Variants in NR5A2 observed in about 807,000 individuals in gnomAD.
The protein encoded by NR5A2 is CYP7A promoter-binding factor.
A neutral mutation model predicts 62.7 loss-of-function variants in NR5A2; 26 were observed. The observed-to-expected ratio is 0.41, with a 90% CI of 0.30 to 0.58. The LOEUF (loss-of-function observed/expected upper bound fraction) is 0.58. NR5A2 is among the 20% of genes least tolerant of loss of function. The pLI is 0.22. For synonymous variants in NR5A2, 246 were observed against 241.7 expected (o/e 1.02, Z -0.16); for missense variants, 541 against 669.1 (o/e 0.81, Z 2.11).
In NR5A2 at chr1:200,174,163, C is replaced by T. The variant is rs1654316020; in HGVS notation, c.1579C>T (p.Pro527Ser). The change falls in exon 8 of 8, where the codon CCC (proline) becomes TCC (serine). Residue 527 changes from proline to serine, a missense_variant. This residue lies in a region of NR5A2 where 379 missense variants were observed against 442.0 expected (regional missense o/e 0.86). Coordinates refer to ENST00000367362, the MANE Select transcript of NR5A2 (RefSeq NM_205860.3). ...CTACAAGCACCTGAACGGGGATGTG[C>T]CCTATAATAACCTTCTCATTGAAAT... is the stretch of plus-strand genomic sequence containing the variant. ...LYYKHLNGDV[P>S]YNNLLIEMLH... 4.3e-6 allele frequency: 7 copies of T among 1,613,042 alleles called. No individual in the cohort carries two copies. The highest frequency in any genetic ancestry group is 5.9e-6 in the Non-Finnish European group (7 of 1,179,534).
At chr1:200,146,830 A>C (rs372937503) in intron 7 of NR5A2, among the ~76,000 whole-genome samples, 1 of 152,222 alleles carries the variant, frequency 6.6e-6, no homozygotes, top group Non-Finnish European at 1.5e-5. Flanking sequence ...ATAAGTTTTT[A>C]CTGATTAAAA....
chr1:200,142,188 CTTTTTTTTTTT>C (rs535827114), intron 7 of NR5A2, among the ~76,000 whole-genome samples: 708 of 55,432 alleles, frequency 0.013, 8 homozygotes, highest in African/African-American at 0.035. Context: ...TTAAAGACTT[CTTTTTTTTTTT>C]TTTTTTTTTT....
chr1:200,143,608 CTGTTCACTGGACTCCAGCTAT>C (rs1667540833), intron 7 of NR5A2, among the ~76,000 whole-genome samples: 1 of 150,472 alleles, frequency 6.6e-6, no homozygotes, highest in African/African-American at 2.4e-5. Context: ...ACTCCAGCTA[CTGTTCACTGGACTCCAGCTAT>C]TGTTCATAAT....
At chr1:200,086,698 C>T (rs1242298675) in intron 5 of NR5A2, among the ~76,000 whole-genome samples, 1 of 152,170 alleles carries the variant, frequency 6.6e-6, no homozygotes, top group African/African-American at 2.4e-5. Flanking sequence ...AGTAAAATCT[C>T]AACAAATGTG....
Position 200,045,432 on chromosome 1 carries a change from C to G in NR5A2, c.322-11C>G. The G allele has an allele frequency of 6.4e-7, 1 of 1,564,736 alleles. No homozygotes were observed. The highest frequency in any genetic ancestry group is 8.6e-7 in the Non-Finnish European group (1 of 1,159,910). ...TTTATAATACGTCTCACTATTTTCT[C>G]TGTCTTATAGGGATTTTTTAAGCGA... On this transcript the variant is annotated splice_polypyrimidine_tract_variant and intron_variant, in intron 3 of 7. Coordinates refer to ENST00000367362, the MANE Select transcript of NR5A2 (RefSeq NM_205860.3).
chr1:200,134,303 AC>A (rs1411723851), intron 7 of NR5A2, among the ~76,000 whole-genome samples: 5 of 152,184 alleles, frequency 3.3e-5, no homozygotes, highest in Admixed American at 1.3e-4. Flanking sequence ...CCACTCACTC[AC>A]TGACTCACCC....
chr1:200,088,218 T>G lies in NR5A2; in HGVS notation c.1111-22984T>G, dbSNP rs139186880. 5.2e-3 allele frequency among the ~76,000 whole-genome samples: 777 copies of G among 149,936 alleles called. 8 individuals carry two copies. The highest frequency in any genetic ancestry group is 0.018 in the African/African-American group (741 of 40,648). On this transcript the variant is annotated intron_variant, in intron 5 of 7. Coordinates refer to ENST00000367362, the MANE Select transcript of NR5A2 (RefSeq NM_205860.3). ...TGGTGCCCAGCCCCTTGTTTTTTTT[T>G]GTTGTTGTTGTTTTTGTTTTTGTTT...
intron 7 of NR5A2, among the ~76,000 whole-genome samples, chr1:200,133,595 AT>A (rs1251095380): frequency 1.0e-5 from 1 of 97,056 alleles, no homozygotes; most frequent in African/African-American, 4.1e-5. Flanking sequence ...ACACATATAT[AT>A]ATATACACAT....
At chr1:200,029,114 C>T (rs765490669) in intron 1 of NR5A2, 2 of 442,424 alleles carry the variant, frequency 4.5e-6, no homozygotes, top group Non-Finnish European at 9.1e-6. Context: ...GCAGAACCGC[C>T]GCGGTGCGCA....
In NR5A2 at chr1:200,048,193, G is replaced by A. The variant is rs751202522; in HGVS notation, c.485G>A (p.Arg162His). 2 of 1,610,312 alleles carry A rather than the reference G, an allele frequency of 1.2e-6. No individual in the cohort carries two copies. The highest frequency in any genetic ancestry group is 1.7e-6 in the Non-Finnish European group (2 of 1,177,568). The change falls in exon 5 of 8, where the codon CGT (arginine) becomes CAT (histidine). Residue 162 changes from arginine to histidine, a missense_variant. Transcript: ENST00000367362. This position sits in a 1 kb window ranked among gnomAD's most constrained non-coding sequence, Gnocchi z 4.8. ...ACAGCTGTAAGGGCCGACCGAATGC[G>A]TGGAGGAAGGAATAAGTTTGGGCCA... ...KLEAVRADRM[R>H]GGRNKFGPMY...
At chr1:200,112,122 C>T (rs1665981439) in intron 6 of NR5A2, among the ~76,000 whole-genome samples, 1 of 151,352 alleles carries the variant, frequency 6.6e-6, no homozygotes, top group African/African-American at 2.4e-5. Flanking sequence ...AAAATCAACA[C>T]TCATCCACAG....
intron 5 of NR5A2, among the ~76,000 whole-genome samples, chr1:200,098,080 C>T (rs1665183164): frequency 6.6e-6 from 1 of 152,094 alleles, no homozygotes; most frequent in South Asian, 2.1e-4. Flanking sequence ...TTCCATGTCC[C>T]TCCTTTTGAG....
intron 7 of NR5A2, among the ~76,000 whole-genome samples, chr1:200,169,476 G>A (rs1329634579): frequency 6.6e-6 from 1 of 152,142 alleles, no homozygotes. Context: ...CTACCAGGGA[G>A]GCAGAGAAGA....
At chr1:200,090,121 C>T (rs917182036) in intron 5 of NR5A2, among the ~76,000 whole-genome samples, 4 of 152,176 alleles carry the variant, frequency 2.6e-5, no homozygotes, top group African/African-American at 7.2e-5. Context: ...ATGTCTACCC[C>T]CTCAACTCTT....
chr1:200,173,189 C>T (rs2690035), intron 7 of NR5A2, among the ~76,000 whole-genome samples: 59,428 of 151,772 alleles, frequency 0.39, 11,772 homozygotes, highest in South Asian at 0.48. Context: ...AGGAGTTAGG[C>T]GGAATGAAAT....
At chr1:200,080,167 A>G (rs1240858130) in intron 5 of NR5A2, among the ~76,000 whole-genome samples, 1 of 152,314 alleles carries the variant, frequency 6.6e-6, no homozygotes, top group African/African-American at 2.4e-5. Context: ...TTGCCTAACA[A>G]GAACCATCAG....
rs536518754 is a variant in NR5A2 at position 200,076,378 on chromosome 1, C to T, written c.1110+27560C>T. 2.0e-5 allele frequency among the ~76,000 whole-genome samples: 3 copies of T among 151,622 alleles called. No homozygotes were observed. The East Asian group carries it at 5.8e-4, about 29-fold the overall frequency. On this transcript the variant is annotated intron_variant, in intron 5 of 7. Transcript: ENST00000367362. ...GGACAATGCCATTTGTTGTCACTGT[C>T]GATACTATGTGGCAACTTTCCCAAA... is the stretch of plus-strand genomic sequence containing the variant.
chr1:200,143,516 G>C (rs1390287975), intron 7 of NR5A2, among the ~76,000 whole-genome samples: 1 of 151,480 alleles, frequency 6.6e-6, no homozygotes, highest in East Asian at 1.9e-4. Context: ...CCTGCGCCAT[G>C]CTTTACTTTA....
At chr1:200,133,211 A>C (rs913640814) in intron 7 of NR5A2, among the ~76,000 whole-genome samples, 5 of 152,110 alleles carry the variant, frequency 3.3e-5, no homozygotes, top group Non-Finnish European at 7.4e-5. Context: ...AACGTGGGGA[A>C]TGTACATTGC....
Sources: allele counts gnomAD v4.1 joint callset (sites outside exome capture counted in the v4.1 genomes callset), GRCh38; gene constraint gnomAD v4.1.1; regional missense constraint gnomAD v4.1.1; non-coding constraint Gnocchi (gnomAD v3.1); transcripts MANE v1.5; gene names NCBI Gene and HGNC (gene_info 2026-07-23, HGNC 2026-07-21).